The following PIGQ variants were observed in gnomAD, a reference collection of about 807,000 sequenced individuals.
The protein encoded by PIGQ is phosphatidylinositol N-acetylglucosaminyltransferase subunit Q.
Under a neutral mutation model 60.3 loss-of-function variants are expected in PIGQ, and 54 were observed. The ratio of observed to expected loss-of-function variants is 0.90; its 90% CI spans 0.72 to 1.12. The LOEUF is 1.12. Ranked by LOEUF, PIGQ falls within the 50% of genes most tolerant of loss-of-function variation. The pLI is 0.00. For synonymous variants in PIGQ, 416 were observed against 363.7 expected, an observed-to-expected ratio of 1.14 and a Z score of -1.64; for missense variants, 799 against 793.5, an observed-to-expected ratio of 1.01 and a Z score of -0.08.
At chr16:578,704 C>A in intron 5 of PIGQ, 81 bp from the exon 6 acceptor site, 10 of 1,527,500 alleles carry the variant, frequency 6.5e-6, no homozygotes, top group Non-Finnish European at 9.0e-6. Context: ...ACACGCACCT[C>A]ATGTCCTGTG....
At chr16:575,119 C>T (rs1009311664) in intron 2 of PIGQ, among the ~76,000 whole-genome samples, 5 of 152,186 alleles carry the variant, frequency 3.3e-5, no homozygotes, top group Admixed American at 6.5e-5. Context: ...CACACAGGCC[C>T]GCTGGCCTCC....
chr16:574,020 G>T (rs768892105), intron 1 of PIGQ, 46 bp from the exon 2 acceptor site: 2 of 1,386,142 alleles, frequency 1.4e-6, no homozygotes, highest in South Asian at 1.3e-5. Flanking sequence ...CCCACGGTGG[G>T]GGGGCAGCAG....
In PIGQ at chr16:574,504, C is replaced by T; in HGVS notation, c.430C>T (p.Pro144Ser). 3.7e-6 allele frequency: 6 copies of T among 1,608,600 alleles called. No homozygotes were observed. The highest frequency in any genetic ancestry group is 5.1e-6 in the Non-Finnish European group (6 of 1,178,256). ...GGTGTTGCTGTCACAGCTACACCTG[C>T]CCACCGTCCTGCCCGACCGCCAGGC... ...RQVLLSQLHLPTVLPDRQAGA... is the reference protein window; with the variant it reads ...RQVLLSQLHLSTVLPDRQAGA... The change falls in exon 2 of 11, where the codon CCC becomes TCC. Residue 144 changes from proline (P) to serine (S), a missense_variant. Coordinates refer to ENST00000321878, the MANE Select transcript of PIGQ (RefSeq NM_004204.5).
intron 9 of PIGQ, 39 bp from the exon 10 acceptor site, chr16:582,209 C>T: frequency 7.0e-7 from 1 of 1,434,940 alleles, no homozygotes; most frequent in Non-Finnish European, 9.6e-7. Flanking sequence ...GGGGCCAGCC[C>T]CCACGCGTCC....
intron 7 of PIGQ, 67 bp from the exon 8 acceptor site, chr16:580,116 C>A: frequency 2.4e-6 from 3 of 1,232,720 alleles, no homozygotes; most frequent in Non-Finnish European, 1.1e-6. Flanking sequence ...TGGGGGAGGG[C>A]ACAGTGCTGG....
At position 583,988 on chromosome 16, in the gene PIGQ, G is replaced by C; in HGVS notation, c.*953G>C. ...GTGCCGGCTGGTGAGGGGATGACGCGCTGTGGGTGGGAGGAGGCAGCGCCC... is the reference window on the plus strand; with the variant it reads ...GTGCCGGCTGGTGAGGGGATGACGCCCTGTGGGTGGGAGGAGGCAGCGCCC... On this transcript the variant is annotated 3_prime_UTR_variant, in exon 11 of 11. Coordinates refer to ENST00000321878, the MANE Select transcript of PIGQ (RefSeq NM_004204.5). The C allele has an allele frequency of 2.6e-6, 1 of 385,094 alleles. No homozygotes were observed. The highest frequency in any genetic ancestry group is 5.0e-6 in the Non-Finnish European group (1 of 199,292). The allele number at this position is 385,094 out of a possible 1,614,324, so 23.9% of individuals were successfully genotyped here. A position where few individuals can be genotyped will look rare whatever the true frequency, so the allele number is the denominator to read the frequency against.
intron 9 of PIGQ, chr16:581,712 TCAGCC>T: frequency 6.2e-6 from 1 of 162,338 alleles, no homozygotes; most frequent in South Asian, 1.6e-4. Context: ...TCCTCCCACC[TCAGCC>T]TCCCAAAGTG....
intron 4 of PIGQ, among the ~76,000 whole-genome samples, chr16:577,552 G>A (rs1464465044): frequency 1.3e-5 from 2 of 150,746 alleles, no homozygotes; most frequent in African/African-American, 4.9e-5. Context: ...ACTCCAGCCT[G>A]GGCGACAAAA....
Position 578,846 on chromosome 16 carries a change from C to T in PIGQ, c.1131C>T (p.Ala377=), listed in dbSNP as rs1258739319. The T allele has an allele frequency of 6.2e-7, 1 of 1,613,806 alleles. No individual in the cohort carries two copies. The highest frequency in any genetic ancestry group is 2.2e-5 in the East Asian group (1 of 44,884). ...TCCTTTGGCACGTGGGCCTCTCGGC[C>T]TGCCTGGGCCTGACGGTGGCCCTGT... is the stretch of plus-strand genomic sequence containing the variant. ...EHILWHVGLS[A]CLGLTVALSL... is the part of the protein sequence containing the mutation. The change falls in exon 6 of 11, where the codon GCC becomes GCT. Residue 377 remains alanine (A), a synonymous_variant. Transcript: ENST00000321878.
rs968355826 is a variant in PIGQ, at chr16:583,941, G to A, written c.*906G>A. The A allele has an allele frequency of 1.1e-4, 51 of 449,382 alleles. No individual in the cohort carries two copies. Among genetic ancestry groups the A allele is most frequent in the Non-Finnish European group, 1.1e-4 (26 of 239,784 alleles). 27.8% of individuals were successfully genotyped at this position (449,382 alleles called of 1,614,324 possible). A position where few individuals can be genotyped will look rare whatever the true frequency, so the allele number is the denominator to read the frequency against. On this transcript the variant is annotated 3_prime_UTR_variant, in exon 11 of 11. Coordinates refer to ENST00000321878, the MANE Select transcript of PIGQ (RefSeq NM_004204.5). ...GGGTGTTCCCTGTGAGCCCGAGTCC[G>A]CTTCAGGAGGGGAGCCTGCAGGTGC...
chr16:574,031 C>A, intron 1 of PIGQ, 35 bp from the exon 2 acceptor site: 1 of 1,452,066 alleles, frequency 6.9e-7, no homozygotes, highest in Non-Finnish European at 9.4e-7. Flanking sequence ...GGGGCAGCAG[C>A]AGCTCTGAGC....
chr16:570,010 G>A lies in PIGQ; in HGVS notation c.-96G>A, dbSNP rs1226763174. 6.7e-6 allele frequency: 1 copy of A among 149,406 alleles called. No homozygotes were observed. Among genetic ancestry groups the A allele is most frequent in the Non-Finnish European group, 1.5e-5 (1 of 66,918 alleles). 9.3% of individuals were successfully genotyped at this position (149,406 alleles called of 1,614,324 possible). ...CCCGCGGCGGGGCTGGAGGCAGCGA[G>A]CGCCGTCGTCTGCCCGGGCCCGCCC... On this transcript the variant is annotated 5_prime_UTR_variant, in exon 1 of 11. Coordinates refer to ENST00000321878, the MANE Select transcript of PIGQ (RefSeq NM_004204.5).
rs774757160 is a variant in PIGQ at position 583,834 on chromosome 16, C to T, written c.*799C>T. 9 of 674,480 alleles carry T rather than the reference C, an allele frequency of 1.3e-5. 1 individual carries two copies. Among genetic ancestry groups the T allele is most frequent in the South Asian group, 1.2e-4 (7 of 59,656 alleles). 41.8% of individuals were successfully genotyped at this position (674,480 alleles called of 1,614,324 possible). A position where few individuals can be genotyped will look rare whatever the true frequency, so the allele number is the denominator to read the frequency against. ...CCCTGCTGTGCAGACACCTCTGTGGCCCCCCAGGAGTGTGAGTGGCCTGGG... is the reference window on the plus strand; with the variant it reads ...CCCTGCTGTGCAGACACCTCTGTGGTCCCCCAGGAGTGTGAGTGGCCTGGG... On this transcript the variant is annotated 3_prime_UTR_variant, in exon 11 of 11. Transcript: ENST00000321878.
At chr16:571,057 GT>G (rs2035610586) in intron 1 of PIGQ, among the ~76,000 whole-genome samples, 1 of 23,830 alleles carries the variant, frequency 4.2e-5, no homozygotes, top group South Asian at 2.3e-3. Flanking sequence ...GTGTGTGTGT[GT>G]GTGTGTGTGT....
chr16:581,245 C>T (rs1596387305), intron 9 of PIGQ: 2 of 1,404,210 alleles, frequency 1.4e-6, no homozygotes, highest in East Asian at 3.5e-5. Context: ...GTTCTTCTGC[C>T]TTGGGATTTT....
At position 574,393 on chromosome 16, in the gene PIGQ, T is replaced by C. The variant is rs1366767439; in HGVS notation, c.319T>C (p.Cys107Arg). 6.2e-7 allele frequency: 1 copy of C among 1,610,526 alleles called. No homozygotes were observed. The stretch of plus-strand genomic sequence containing the variant: ...GGAGAGAGGCGGCACGTTCTGGAGC[T>C]GCGAGGCCACCCACCGGCAAGCGCC... ...CRERGGTFWS[C>R]EATHRQAPTA... The change falls in exon 2 of 11, where the codon TGC becomes CGC. Residue 107 changes from cysteine to arginine, a missense_variant. Cys to Arg is a radical substitution (Grantham distance 180). Coordinates refer to ENST00000321878, the MANE Select transcript of PIGQ (RefSeq NM_004204.5).
rs1176149269 is a variant in PIGQ at position 571,038 on chromosome 16, C to CGTGTGTGTGTGTGTGTGT, written c.-10+995_-10+1012dup. 3.5e-5 allele frequency among the ~76,000 whole-genome samples: 3 copies of CGTGTGTGTGTGTGTGTGT among 85,224 alleles called. 1 individual carries two copies. Among genetic ancestry groups the CGTGTGTGTGTGTGTGTGT allele is most frequent in the Non-Finnish European group, 7.9e-5 (3 of 38,188 alleles). The allele number at this position is 85,224 out of a possible 152,430, so 55.9% of individuals were successfully genotyped here. On this transcript the variant is annotated intron_variant, in intron 1 of 10. Coordinates refer to ENST00000321878, the MANE Select transcript of PIGQ (RefSeq NM_004204.5). ...AAGCTCTTCTGGCTAGCCTGGCGCC[C>CGTGTGTGTGTGTGTGTGT]GTGTGTGTGTGTGTGTGTGTGTGTG...
chr16:583,027 C>A lies in PIGQ; in HGVS notation c.1738C>A (p.Gln580Lys). ...IYPWRQRGDK[Q>K]D is the part of the protein sequence containing the mutation. ...CCCCTGGAGGCAGAGAGGGGACAAG[C>A]AGGACTGAGGGAACTGCTGGCTCGC... is the stretch of plus-strand genomic sequence containing the variant. Residue 580 changes from glutamine to lysine, a missense_variant, in exon 11 of 11, where the codon CAG (glutamine) becomes AAG (lysine). Gln to Lys is a moderately conservative substitution (Grantham distance 53). Transcript: ENST00000321878. The A allele has an allele frequency of 6.2e-7, 1 of 1,613,120 alleles. No homozygotes were observed. The highest frequency in any genetic ancestry group is 8.5e-7 in the Non-Finnish European group (1 of 1,179,990).
intron 4 of PIGQ, chr16:578,071 C>T (rs2035748269): frequency 3.3e-6 from 1 of 299,642 alleles, no homozygotes; most frequent in Non-Finnish European, 6.4e-6. Flanking sequence ...CCAGTGGGTC[C>T]TGTGGCCGAG....
Sources: allele counts gnomAD v4.1 joint callset (sites outside exome capture counted in the v4.1 genomes callset), GRCh38; gene constraint gnomAD v4.1.1; transcripts MANE v1.5; gene names NCBI Gene and HGNC (gene_info 2026-07-23, HGNC 2026-07-21).